The following GMDS variants were observed in gnomAD, a reference collection of about 807,000 sequenced individuals.
GMDS encodes GDP-mannose 4,6 dehydratase.
GMDS carries 20 observed loss-of-function variants against 49.9 expected under a neutral mutation model. The observed-to-expected ratio is 0.40, with a 90% CI of 0.28 to 0.58. The LOEUF (loss-of-function observed/expected upper bound fraction) is 0.58, where lower values mean the gene tolerates loss of function less well. Among genes scored for constraint, GMDS ranks in the 20% least tolerant of loss-of-function variants. The probability of loss-of-function intolerance (pLI) is 0.42; values close to 1 mark genes in which losing one functional copy is unlikely to be tolerated. For missense variants in GMDS, 362 were observed against 481.4 expected (o/e 0.75, Z 2.32); for synonymous variants, 177 against 178.6 (o/e 0.99, Z 0.07).
intron 4 of GMDS, among the ~76,000 whole-genome samples, chr6:2,069,929 A>G (rs1348324379): frequency 5.3e-5 from 8 of 152,124 alleles, no homozygotes; most frequent in Admixed American, 5.2e-4. Flanking sequence ...TATATACCCA[A>G]AGAATTATAA....
chr6:1,842,917 C>A (rs1321272716), intron 7 of GMDS, among the ~76,000 whole-genome samples: 1 of 151,882 alleles, frequency 6.6e-6, no homozygotes, highest in Non-Finnish European at 1.5e-5. Flanking sequence ...GCATTCGAGA[C>A]CAGCCTGGGC....
intron 6 of GMDS, among the ~76,000 whole-genome samples, chr6:1,946,149 A>C (rs1027421916): frequency 5.3e-5 from 8 of 152,212 alleles, no homozygotes; most frequent in Non-Finnish European, 8.8e-5. Context: ...AAGAAGCAAC[A>C]AAAAGTCAAA....
intron 9 of GMDS, among the ~76,000 whole-genome samples, chr6:1,687,531 G>A (rs1038011927): frequency 6.7e-6 from 1 of 148,758 alleles, no homozygotes; most frequent in Non-Finnish European, 1.5e-5. Context: ...CAGGCCATCA[G>A]CAAGCTCCTG....
At chr6:2,235,350 C>T (rs564959626) in intron 1 of GMDS, among the ~76,000 whole-genome samples, 1 of 152,244 alleles carries the variant, frequency 6.6e-6, no homozygotes, top group African/African-American at 2.4e-5. Context: ...ACTATACTTC[C>T]CATGCCTATA....
intron 1 of GMDS, among the ~76,000 whole-genome samples, chr6:2,183,678 G>A (rs966221569): frequency 3.9e-5 from 6 of 152,140 alleles, no homozygotes; most frequent in Non-Finnish European, 8.8e-5. Context: ...ACAGCTGAAT[G>A]GCACAGAGAA....
At chr6:1,829,723 GCCA>G (rs1771273415) in intron 7 of GMDS, among the ~76,000 whole-genome samples, 1 of 152,228 alleles carries the variant, frequency 6.6e-6, no homozygotes, top group Non-Finnish European at 1.5e-5. Flanking sequence ...TACAGGCGTA[GCCA>G]CCACATCTGG....
intron 4 of GMDS, among the ~76,000 whole-genome samples, chr6:2,100,798 A>C (rs971818576): frequency 6.6e-6 from 1 of 152,020 alleles, no homozygotes; most frequent in Non-Finnish European, 1.5e-5. Context: ...ACAGTGGAAA[A>C]AATAAAACGT....
intron 9 of GMDS, among the ~76,000 whole-genome samples, chr6:1,654,822 G>C (rs1186532220): frequency 6.6e-6 from 1 of 152,094 alleles, no homozygotes; most frequent in Non-Finnish European, 1.5e-5. Context: ...CAGCACTTTG[G>C]GAGCTCGAGG....
intron 1 of GMDS, among the ~76,000 whole-genome samples, chr6:2,127,838 TA>T (rs1775537915): frequency 6.6e-6 from 1 of 152,152 alleles, no homozygotes; most frequent in Non-Finnish European, 1.5e-5. Flanking sequence ...ACAGAGCTGA[TA>T]AAGAATGCTC....
chr6:2,209,570 TACACACACACACACACAC>T (rs61216869), intron 1 of GMDS, among the ~76,000 whole-genome samples: 3 of 135,880 alleles, frequency 2.2e-5, no homozygotes, highest in Non-Finnish European at 3.3e-5. Context: ...CACATACACA[TACACACACACACACACAC>T]ACACACACAC....
At chr6:1,873,942 C>T (rs943030771) in intron 7 of GMDS, among the ~76,000 whole-genome samples, 1 of 152,206 alleles carries the variant, frequency 6.6e-6, no homozygotes, top group African/African-American at 2.4e-5. Flanking sequence ...AACAATCAAT[C>T]GATTGTGCCT....
chr6:1,872,222 A>ATT (rs1758796227), intron 7 of GMDS, among the ~76,000 whole-genome samples: 1 of 152,208 alleles, frequency 6.6e-6, no homozygotes, highest in Non-Finnish European at 1.5e-5. Flanking sequence ...GAGCACATCC[A>ATT]CCGGGCTGGC....
chr6:1,698,612 C>T (rs923604043), intron 9 of GMDS, among the ~76,000 whole-genome samples: 7 of 152,064 alleles, frequency 4.6e-5, no homozygotes, highest in African/African-American at 1.7e-4. Flanking sequence ...TGCTTTAAGC[C>T]AAGTCTACAG....
chr6:1,791,988 G>C (rs1389633749), intron 7 of GMDS, among the ~76,000 whole-genome samples: 1 of 151,990 alleles, frequency 6.6e-6, no homozygotes, highest in Non-Finnish European at 1.5e-5. Context: ...TGTCTATTCT[G>C]TTATCTCCTG....
At chr6:2,052,131 G>GAAAAAAAAAAAAA (rs576035823) in intron 4 of GMDS, among the ~76,000 whole-genome samples, 2 of 99,648 alleles carry the variant, frequency 2.0e-5, no homozygotes, top group Non-Finnish European at 4.2e-5. Context: ...AAAAAAAAAA[G>GAAAAAAAAAAAAA]AAAAAAAAAA....
intron 1 of GMDS, among the ~76,000 whole-genome samples, chr6:2,163,922 C>G (rs1777534789): frequency 6.6e-6 from 1 of 152,238 alleles, no homozygotes; most frequent in Admixed American, 6.5e-5. Context: ...GCATTTCTCA[C>G]CATTGTGAAA....
intron 7 of GMDS, among the ~76,000 whole-genome samples, chr6:1,869,978 C>T (rs1315641378): frequency 6.6e-6 from 1 of 152,216 alleles, no homozygotes; most frequent in Non-Finnish European, 1.5e-5. Flanking sequence ...TGAGACGGCT[C>T]AGACCACGAC....
chr6:1,643,095 C>T (rs1763382903), intron 9 of GMDS, among the ~76,000 whole-genome samples: 1 of 152,116 alleles, frequency 6.6e-6, no homozygotes, highest in African/African-American at 2.4e-5. Context: ...CCTGAGTCTC[C>T]CCAGAGAAAC....
At chr6:2,067,255 A>G (rs1167788435) in intron 4 of GMDS, among the ~76,000 whole-genome samples, 3 of 152,186 alleles carry the variant, frequency 2.0e-5, no homozygotes, top group Non-Finnish European at 2.9e-5. Context: ...TCTGGGACGC[A>G]TGCAAAGCAG....
Sources: allele counts gnomAD v4.1 joint callset (sites outside exome capture counted in the v4.1 genomes callset), GRCh38; gene constraint gnomAD v4.1.1; transcripts MANE v1.5; gene names NCBI Gene and HGNC (gene_info 2026-07-23, HGNC 2026-07-21).